Variants in PDE6D observed in about 807,000 individuals in gnomAD.
The protein encoded by PDE6D is retinal rod rhodopsin-sensitive cGMP 3',5'-cyclic phosphodiesterase subunit delta.
A neutral mutation model predicts 21.9 loss-of-function variants in PDE6D; 10 were observed. The ratio of observed to expected loss-of-function variants is 0.46; its 90% CI spans 0.28 to 0.78. The LOEUF is 0.78. Among genes scored for constraint, PDE6D ranks in the 30% least tolerant of loss-of-function variants. PDE6D has a pLI of 0.12. For missense variants in PDE6D, 139 were observed against 184.8 expected, an observed-to-expected ratio of 0.75 and a Z score of 1.44; for synonymous variants, 59 against 63.5, an observed-to-expected ratio of 0.93 and a Z score of 0.34.
intron 1 of PDE6D, among the ~76,000 whole-genome samples, chr2:231,758,472 T>C (rs940556787): frequency 3.3e-5 from 5 of 152,144 alleles, no homozygotes; most frequent in Admixed American, 2.6e-4. Context: ...TCTAAGAAGC[T>C]AGGGCAAATT....
At chr2:231,779,513 T>C (rs1219491322) in intron 1 of PDE6D, 1 of 152,260 alleles carries the variant, frequency 6.6e-6, no homozygotes, top group African/African-American at 2.4e-5. Flanking sequence ...ACAAAGCATG[T>C]TAAGTAGCAA....
chr2:231,751,313 G>A (rs1403078251), intron 1 of PDE6D, among the ~76,000 whole-genome samples: 2 of 151,976 alleles, frequency 1.3e-5, no homozygotes, highest in Admixed American at 6.6e-5. Flanking sequence ...TTACCACCTC[G>A]TGTGGCTAAT....
chr2:231,760,232 A>G (rs6729974), intron 1 of PDE6D, among the ~76,000 whole-genome samples: 9,512 of 152,256 alleles, frequency 0.062, 931 homozygotes, highest in African/African-American at 0.21. Flanking sequence ...CTGTTGTCAC[A>G]TGATTTGTGT....
chr2:231,781,121 G>T lies in PDE6D; in HGVS notation c.-7C>A. 6.2e-7 allele frequency: 1 copy of T among 1,611,444 alleles called. No individual in the cohort carries two copies. The highest frequency in any genetic ancestry group is 1.1e-5 in the South Asian group (1 of 91,014). On this transcript the variant is annotated 5_prime_UTR_variant, in exon 1 of 5. Coordinates refer to ENST00000287600, the MANE Select transcript of PDE6D (RefSeq NM_002601.4). ...GCTCGTCCTTGGCTGACATGATGCGGCGGTCGCCGCCCGCGGCTTTCTCAC... is the reference window on the plus strand; with the variant it reads ...GCTCGTCCTTGGCTGACATGATGCGTCGGTCGCCGCCCGCGGCTTTCTCAC...
chr2:231,760,369 ATAT>A (rs1357345360), intron 1 of PDE6D, among the ~76,000 whole-genome samples: 1 of 152,202 alleles, frequency 6.6e-6, no homozygotes, highest in Non-Finnish European at 1.5e-5. Flanking sequence ...AATAATTTAG[ATAT>A]TATTCATGTA....
At chr2:231,745,200 T>C (rs1314611428) in intron 1 of PDE6D, among the ~76,000 whole-genome samples, 2 of 151,564 alleles carry the variant, frequency 1.3e-5, no homozygotes, top group African/African-American at 4.9e-5. Context: ...CAAGTTGACT[T>C]CTGAGGAGCC....
At position 231,737,750 on chromosome 2, in the gene PDE6D, A is replaced by G. The variant is rs563866868; in HGVS notation, c.265+263T>C. Reference sequence around the variant, plus strand: ...GCTCATAGCAGCTTCCTCCATGATCATATCACAATACAACGTCAGTGCCTA... The same window carrying G: ...GCTCATAGCAGCTTCCTCCATGATCGTATCACAATACAACGTCAGTGCCTA... On this transcript the variant is annotated intron_variant, in intron 3 of 4. Transcript: ENST00000287600. 17 of 414,016 alleles carry G rather than the reference A, an allele frequency of 4.1e-5. No homozygotes were observed. The East Asian group carries it at 7.2e-4, about 18-fold the overall frequency. 25.6% of individuals were successfully genotyped at this position (414,016 alleles called of 1,614,324 possible). A position where few individuals can be genotyped will look rare whatever the true frequency, so the allele number is the denominator to read the frequency against.
At chr2:231,756,493 A>G (rs570574515) in intron 1 of PDE6D, among the ~76,000 whole-genome samples, 41 of 152,044 alleles carry the variant, frequency 2.7e-4, no homozygotes, top group African/African-American at 9.9e-4. Flanking sequence ...CTGGAGTGCA[A>G]TGGCACAACT....
Position 231,732,439 on chromosome 2 carries a change from C to T in PDE6D, c.*513G>A, listed in dbSNP as rs1439482905. On this transcript the variant is annotated 3_prime_UTR_variant, in exon 5 of 5. Transcript: ENST00000287600. ...GATAAAAGCAGTGCCATGCTAAAGA[C>T]TGTAGGAATATTTTAATTCATATTT... The T allele has an allele frequency of 6.6e-6, 1 of 152,184 alleles. No individual in the cohort carries two copies. The highest frequency in any genetic ancestry group is 6.6e-5 in the Admixed American group (1 of 15,264). 9.4% of individuals were successfully genotyped at this position (152,184 alleles called of 1,614,324 possible).
At chr2:231,778,429 TA>T (rs1385860238) in intron 1 of PDE6D, among the ~76,000 whole-genome samples, 2 of 151,814 alleles carry the variant, frequency 1.3e-5, no homozygotes, top group Non-Finnish European at 2.9e-5. Flanking sequence ...TAAACAATAG[TA>T]AAATGGGCAA....
At chr2:231,779,048 A>T (rs114074963) in intron 1 of PDE6D, 196 of 152,328 alleles carry the variant, frequency 1.3e-3, no homozygotes, top group African/African-American at 4.7e-3. Flanking sequence ...CTTTTTCCTG[A>T]AGGTAGTAGC....
At chr2:231,781,012 T>C (rs1207015105) in intron 1 of PDE6D, 53 bp downstream of exon 1, 10 of 1,520,782 alleles carry the variant, frequency 6.6e-6, no homozygotes, top group Non-Finnish European at 8.2e-6. Flanking sequence ...GTCTCCTCAG[T>C]GAGCGGCCGC....
chr2:231,775,037 T>C (rs1398344841), intron 1 of PDE6D, among the ~76,000 whole-genome samples: 1 of 151,998 alleles, frequency 6.6e-6, no homozygotes, highest in Non-Finnish European at 1.5e-5. Flanking sequence ...CTCTGCCTCT[T>C]GAGCAGCTGG....
At chr2:231,735,848 A>G (rs1411370515) in intron 4 of PDE6D, among the ~76,000 whole-genome samples, 3 of 151,386 alleles carry the variant, frequency 2.0e-5, no homozygotes, top group Non-Finnish European at 4.4e-5. Flanking sequence ...ATATGGTGAA[A>G]CCCTGTCTCT....
rs1197045598 is a variant in PDE6D, at chr2:231,781,164, C to T, written c.-50G>A. ...TTTCTCACTCTGGTCGGCGGAGCCT[C>T]GCAGACGGTGCCCAGGAGCCGAGGA... On this transcript the variant is annotated 5_prime_UTR_variant, in exon 1 of 5. Transcript: ENST00000287600. 1 of 1,587,476 alleles carries T rather than the reference C, an allele frequency of 6.3e-7. No individual in the cohort carries two copies. Among genetic ancestry groups the T allele is most frequent in the South Asian group, 1.1e-5 (1 of 89,898 alleles).
In PDE6D at chr2:231,758,253, T is replaced by C. The variant is rs115520386; in HGVS notation, c.51-19065A>G. Among the ~76,000 whole-genome samples the C allele has an allele frequency of 1.7e-3, 262 of 152,054 alleles. 2 individuals are homozygous for C. The highest frequency in any genetic ancestry group is 5.9e-3 in the African/African-American group (243 of 41,390). ...AACTGTTGGGCTCAAGGGATTCTCCTGGCTTGGACTCCTGAGTAGCTAGGA... is the reference window on the plus strand; with the variant it reads ...AACTGTTGGGCTCAAGGGATTCTCCCGGCTTGGACTCCTGAGTAGCTAGGA... On this transcript the variant is annotated intron_variant, in intron 1 of 4. Coordinates refer to ENST00000287600, the MANE Select transcript of PDE6D (RefSeq NM_002601.4).
At chr2:231,760,677 T>A (rs182965401) in intron 1 of PDE6D, among the ~76,000 whole-genome samples, 1 of 152,280 alleles carries the variant, frequency 6.6e-6, no homozygotes, top group East Asian at 1.9e-4. Context: ...GACAAGTAGT[T>A]CCTCTAGCAC....
chr2:231,748,704 G>A (rs553609597), intron 1 of PDE6D, among the ~76,000 whole-genome samples: 2 of 152,206 alleles, frequency 1.3e-5, no homozygotes, highest in Non-Finnish European at 2.9e-5. Flanking sequence ...GGAAAAAGTG[G>A]TTTCACGGGC....
At chr2:231,765,050 C>T (rs1256838001) in intron 1 of PDE6D, among the ~76,000 whole-genome samples, 1 of 151,346 alleles carries the variant, frequency 6.6e-6, no homozygotes, top group African/African-American at 2.4e-5. Flanking sequence ...TGCTTGAGCC[C>T]AGGAATCCAA....
Sources: gnomAD v4.1 joint callset for allele counts (sites outside exome capture counted in the v4.1 genomes callset) on GRCh38, gnomAD v4.1.1 for gene constraint, MANE v1.5 for transcripts, NCBI Gene and HGNC (gene_info 2026-07-23, HGNC 2026-07-21) for gene names.